The following CATSPERD variants were observed in gnomAD, a reference collection of about 807,000 sequenced individuals.
The protein encoded by CATSPERD is catsper channel auxiliary subunit delta, also known as cation channel sperm-associated auxiliary subunit delta.
A neutral mutation model predicts 98.1 loss-of-function variants in CATSPERD; 86 were observed. That is an observed-to-expected ratio of 0.88 (90% CI 0.74 to 1.05). The LOEUF (loss-of-function observed/expected upper bound fraction) is 1.05. Among genes scored for constraint, CATSPERD ranks in the 50% least tolerant of loss-of-function variants. The pLI is 0.00. For missense variants in CATSPERD, 995 were observed against 1,005.7 expected, an observed-to-expected ratio of 0.99 and a Z score of 0.14; for synonymous variants, 394 against 390.2, an observed-to-expected ratio of 1.01 and a Z score of -0.12.
intron 5 of CATSPERD, among the ~76,000 whole-genome samples, chr19:5,734,751 G>A (rs1017517278): frequency 1.3e-5 from 2 of 151,706 alleles, no homozygotes; most frequent in Non-Finnish European, 2.9e-5. Context: ...GCAGTGAGCT[G>A]AGATTGGGCC....
At chr19:5,723,060 G>A (rs1196521079) in intron 1 of CATSPERD, among the ~76,000 whole-genome samples, 15 of 151,424 alleles carry the variant, frequency 9.9e-5, no homozygotes, top group African/African-American at 3.4e-4. Context: ...GGTGGCGGGC[G>A]CTTGTAGTCC....
At chr19:5,744,554 C>A in intron 8 of CATSPERD, 44 bp downstream of exon 8, 2 of 1,398,602 alleles carry the variant, frequency 1.4e-6, no homozygotes, top group Non-Finnish European at 2.0e-6. Context: ...GACCTTTGCC[C>A]AAGCCCAGGT....
Position 5,751,764 on chromosome 19 carries a change from T to G in CATSPERD, c.1105T>G (p.Cys369Gly). Reference sequence around the variant, plus strand: ...CTTTCCAGCTTTTGATTTCCAGAAGTGCCTCGTGAATATCCAGGCGCTTCT... The same window carrying G: ...CTTTCCAGCTTTTGATTTCCAGAAGGGCCTCGTGAATATCCAGGCGCTTCT... ...TAFPAFDFQK[C>G]LVNIQALLMD... Residue 369 changes from cysteine to glycine, a missense_variant, in exon 12 of 22, where the codon TGC becomes GGC. Cys to Gly is a radical substitution (Grantham distance 159). Transcript: ENST00000381624. The G allele has an allele frequency of 6.2e-7, 1 of 1,613,810 alleles. No homozygotes were observed.
intron 20 of CATSPERD, among the ~76,000 whole-genome samples, chr19:5,774,796 C>G (rs2144696729): frequency 6.6e-6 from 1 of 152,128 alleles, no homozygotes; most frequent in Non-Finnish European, 1.5e-5. Context: ...GTGGATGGAT[C>G]ACTTGAGGTC....
At chr19:5,753,634 C>T in intron 12 of CATSPERD, 3 of 381,614 alleles carry the variant, frequency 7.9e-6, no homozygotes, top group South Asian at 1.9e-5. Flanking sequence ...CTTTGGGAGG[C>T]CGAGATGGGA....
intron 13 of CATSPERD, 104 bp downstream of exon 13, chr19:5,754,349 G>T: frequency 1.5e-6 from 1 of 678,544 alleles, no homozygotes. Context: ...AAGGAGAGAC[G>T]CTACTCGCAC....
chr19:5,743,598 CAAAAAAAG>C (rs1273926122), intron 7 of CATSPERD, among the ~76,000 whole-genome samples: 3 of 26,306 alleles, frequency 1.1e-4, no homozygotes, highest in Admixed American at 5.6e-4. Context: ...GACTCCATCT[CAAAAAAAG>C]AAAAAAAGAA....
At chr19:5,754,065 C>T (rs2145794184) in intron 12 of CATSPERD, 67 bp from the exon 13 acceptor site, 1 of 1,102,376 alleles carries the variant, frequency 9.1e-7, no homozygotes, top group Non-Finnish European at 1.4e-6. Context: ...TCCTCCTTCC[C>T]ACCTCCTTGC....
At chr19:5,742,188 G>A (rs1252635079) in intron 7 of CATSPERD, among the ~76,000 whole-genome samples, 1 of 149,968 alleles carries the variant, frequency 6.7e-6, no homozygotes, top group African/African-American at 2.5e-5. Context: ...GTATGTGAAC[G>A]TGTGTGCGTG....
chr19:5,773,093 C>T (rs1303546191), intron 20 of CATSPERD, 128 bp downstream of exon 20: 5 of 909,190 alleles, frequency 5.5e-6, no homozygotes, highest in Non-Finnish European at 8.1e-6. Context: ...GTGGCTCACG[C>T]CTGTAATCCC....
At position 5,751,633 on chromosome 19, in the gene CATSPERD, C is replaced by A. The variant is rs1599555866; in HGVS notation, c.988-14C>A. ...ATTACAATGATTAGATCTCAGGAATCATTTTCTTCTTAGTTTGCAGACCAA... is the reference window on the plus strand; with the variant it reads ...ATTACAATGATTAGATCTCAGGAATAATTTTCTTCTTAGTTTGCAGACCAA... On this transcript the variant is annotated splice_polypyrimidine_tract_variant and intron_variant, in intron 11 of 21. Transcript: ENST00000381624. 7.1e-7 allele frequency: 1 copy of A among 1,408,624 alleles called. No individual in the cohort carries two copies. The highest frequency in any genetic ancestry group is 1.4e-5 in the South Asian group (1 of 72,976). 87.3% of individuals were successfully genotyped at this position (1,408,624 alleles called of 1,614,324 possible). A position where few individuals can be genotyped will look rare whatever the true frequency, so the allele number is the denominator to read the frequency against.
At chr19:5,747,501 A>C (rs138935669) in intron 9 of CATSPERD, among the ~76,000 whole-genome samples, 26 of 152,012 alleles carry the variant, frequency 1.7e-4, no homozygotes, top group African/African-American at 6.0e-4. Context: ...CCTGTATTAG[A>C]AGACATTCCA....
At chr19:5,757,044 G>A (rs992492809) in intron 13 of CATSPERD, among the ~76,000 whole-genome samples, 2 of 152,088 alleles carry the variant, frequency 1.3e-5, no homozygotes, top group African/African-American at 4.8e-5. Context: ...GAAGTCAGGA[G>A]TTCCAGACCA....
chr19:5,766,174 G>C lies in CATSPERD; in HGVS notation c.1559+19G>C, dbSNP rs2056535399. 1.9e-6 allele frequency: 3 copies of C among 1,608,162 alleles called. No individual in the cohort carries two copies. The highest frequency in any genetic ancestry group is 1.7e-6 in the Non-Finnish European group (2 of 1,176,870). The stretch of plus-strand genomic sequence containing the variant: ...TCCAGAAGTAAGTATGTTGAGGCCG[G>C]GCACCATGGCTCATTCCTGTGATCC... On this transcript the variant is annotated intron_variant, in intron 17 of 21. Transcript: ENST00000381624.
chr19:5,771,130 G>A, intron 19 of CATSPERD, 58 bp downstream of exon 19: 1 of 1,564,704 alleles, frequency 6.4e-7, no homozygotes, highest in South Asian at 1.2e-5. Context: ...CATGCTCCCT[G>A]GCCCTGGGGT....
chr19:5,733,436 T>C lies in CATSPERD; in HGVS notation c.277-420T>C, dbSNP rs554125647. Among the ~76,000 whole-genome samples the C allele has an allele frequency of 1.4e-3, 192 of 137,902 alleles. 1 individual carries two copies. Among genetic ancestry groups the C allele is most frequent in the African/African-American group, 5.6e-3 (184 of 32,818 alleles). 90.5% of individuals were successfully genotyped at this position (137,902 alleles called of 152,430 possible). On this transcript the variant is annotated intron_variant, in intron 4 of 21. Coordinates refer to ENST00000381624, the MANE Select transcript of CATSPERD (RefSeq NM_152784.4). ...TTCCTTCCTTCCTTCCTTCCTCCTTTCTTTCTTTCTTTCTCTCTCTCTCTA... is the reference window on the plus strand; with the variant it reads ...TTCCTTCCTTCCTTCCTTCCTCCTTCCTTTCTTTCTTTCTCTCTCTCTCTA...
In CATSPERD at chr19:5,739,568, A is replaced by G. The variant is rs918651530; in HGVS notation, c.573+129A>G. ...CCAACTGGGACAGGAGTGGTGGCTC[A>G]TGCCTGTAATCCCAGCACTTTGGGA... On this transcript the variant is annotated intron_variant, in intron 7 of 21. Coordinates refer to ENST00000381624, the MANE Select transcript of CATSPERD (RefSeq NM_152784.4). The G allele has an allele frequency of 1.7e-4, 92 of 542,032 alleles. 1 individual carries two copies. Among genetic ancestry groups the G allele is most frequent in the Non-Finnish European group, 2.2e-4 (68 of 311,564 alleles). 33.6% of individuals were successfully genotyped at this position (542,032 alleles called of 1,614,324 possible). A position where few individuals can be genotyped will look rare whatever the true frequency, so the allele number is the denominator to read the frequency against.
chr19:5,778,316 T>C lies in CATSPERD; in HGVS notation c.2097-60T>C, dbSNP rs1196177149. 2.1e-5 allele frequency: 32 copies of C among 1,492,144 alleles called. 1 individual carries two copies. The East Asian group carries it at 7.1e-4, about 33-fold the overall frequency. The allele number at this position is 1,492,144 out of a possible 1,614,324, so 92.4% of individuals were successfully genotyped here. A position where few individuals can be genotyped will look rare whatever the true frequency, so the allele number is the denominator to read the frequency against. On this transcript the variant is annotated intron_variant, in intron 21 of 21. Transcript: ENST00000381624. The stretch of plus-strand genomic sequence containing the variant: ...TGGGTCTGAACACCTTTGCCAGAGA[T>C]AAGGCGAAGTCCCCCAAAGGCAATG...
At chr19:5,746,138 G>C in intron 9 of CATSPERD, 75 bp downstream of exon 9, 4 of 1,532,448 alleles carry the variant, frequency 2.6e-6, no homozygotes, top group Admixed American at 1.8e-5. Context: ...CCTGGATAAG[G>C]GGAGGGGAAG....
Sources: gnomAD v4.1 joint callset for allele counts (sites outside exome capture counted in the v4.1 genomes callset) on GRCh38, gnomAD v4.1.1 for gene constraint, MANE v1.5 for transcripts, NCBI Gene and HGNC (gene_info 2026-07-23, HGNC 2026-07-21) for gene names.